ANKRD30A: variants seen among roughly 807,000 people sequenced by gnomAD.
The protein encoded by ANKRD30A is ankyrin repeat domain-containing protein 30A.
ANKRD30A carries 170 observed loss-of-function variants against 166.3 expected under a neutral mutation model. The observed-to-expected ratio is 1.02, with a 90% CI of 0.90 to 1.16. The LOEUF (loss-of-function observed/expected upper bound fraction) is 1.16, where lower values mean the gene tolerates loss of function less well. Ranked by LOEUF, ANKRD30A falls within the 50% of genes most tolerant of loss-of-function variation. ANKRD30A has a pLI of 0.00. For missense variants in ANKRD30A, 1,630 were observed against 1,518.0 expected, an observed-to-expected ratio of 1.07 and a Z score of -1.23; for synonymous variants, 564 against 508.9, an observed-to-expected ratio of 1.11 and a Z score of -1.46.
At position 37,125,972 on chromosome 10, in the gene ANKRD30A, A is replaced by C. The variant is rs1835977999; in HGVS notation, c.185A>C (p.Lys62Thr). The C allele has an allele frequency of 1.9e-6, 3 of 1,611,960 alleles. No homozygotes were observed. Among genetic ancestry groups the C allele is most frequent in the Non-Finnish European group, 1.7e-6 (2 of 1,179,894 alleles). ...CTGGAGAAGATGACAAAGAGGAAGA[A>C]GACCATCAACCTTAATATACAAGAC... ...RKLEKMTKRK[K>T]TINLNIQDAQ... The change falls in exon 1 of 36, where the codon AAG (lysine) becomes ACG (threonine). Residue 62 changes from lysine to threonine, a missense_variant. By Grantham distance (78) the Lys-to-Thr change is moderately conservative. This residue lies in a region of ANKRD30A where 904 missense variants were observed against 818.5 expected (regional missense o/e 1.10). Transcript: ENST00000361713.
chr10:37,241,703 A>AC, the ANKRD30A span, among the ~76,000 whole-genome samples: 1 of 152,178 alleles, frequency 6.6e-6, no homozygotes. Context: ...AATGCAATTG[A>AC]CACCATACCA....
intron 15 of ANKRD30A, among the ~76,000 whole-genome samples, chr10:37,159,338 G>C (rs530322765): frequency 6.6e-6 from 1 of 152,204 alleles, no homozygotes; most frequent in African/African-American, 2.4e-5. Context: ...TCAAATTAGT[G>C]AAACCCCATC....
At chr10:37,142,436 T>A in intron 7 of ANKRD30A, 146 bp downstream of exon 7, 1 of 710,120 alleles carries the variant, frequency 1.4e-6, no homozygotes, top group South Asian at 2.2e-5. Context: ...TAGGAATAAG[T>A]AGCTCTTATT....
At chr10:37,157,338 T>G (rs986262924) in intron 13 of ANKRD30A, among the ~76,000 whole-genome samples, 2 of 152,218 alleles carry the variant, frequency 1.3e-5, no homozygotes, top group African/African-American at 4.8e-5. Flanking sequence ...GAATGATATG[T>G]AAAAAGTCTC....
chr10:37,221,064 A>G (rs1424247502), intron 34 of ANKRD30A, among the ~76,000 whole-genome samples: 3 of 107,572 alleles, frequency 2.8e-5, no homozygotes, highest in African/African-American at 9.8e-5. Context: ...TTTTTTTTTG[A>G]GACTTCAGTA....
At chr10:37,163,205 G>T (rs1424401006) in intron 17 of ANKRD30A, among the ~76,000 whole-genome samples, 1 of 126,562 alleles carries the variant, frequency 7.9e-6, no homozygotes, top group African/African-American at 3.1e-5. Context: ...TTTACTTCGG[G>T]GATCCCATCT....
At chr10:37,223,888 G>C in intron 34 of ANKRD30A, among the ~76,000 whole-genome samples, 1 of 150,806 alleles carries the variant, frequency 6.6e-6, no homozygotes, top group East Asian at 2.0e-4. Context: ...GGATAATTTG[G>C]ATCAAGAAAT....
chr10:37,202,246 T>C (rs1841671367), intron 31 of ANKRD30A, among the ~76,000 whole-genome samples: 1 of 152,050 alleles, frequency 6.6e-6, no homozygotes, highest in Admixed American at 6.6e-5. Flanking sequence ...AGTAAAGCAG[T>C]CCTCAGCAAA....
intron 6 of ANKRD30A, among the ~76,000 whole-genome samples, chr10:37,140,741 A>C (rs1837040213): frequency 6.6e-6 from 1 of 152,228 alleles, no homozygotes; most frequent in South Asian, 2.1e-4. Context: ...AAAATTTTTC[A>C]TAATAACAAA....
At chr10:37,265,550 C>G in the ANKRD30A span, among the ~76,000 whole-genome samples, 2 of 152,222 alleles carry the variant, frequency 1.3e-5, no homozygotes, top group African/African-American at 2.4e-5. Flanking sequence ...GGAACCCAAG[C>G]CTCTTTCTCA....
At chr10:37,245,604 A>G in the ANKRD30A span, among the ~76,000 whole-genome samples, 1 of 152,052 alleles carries the variant, frequency 6.6e-6, no homozygotes, top group Non-Finnish European at 1.5e-5. Context: ...ATAATAGATC[A>G]CCACAATCAT....
intron 34 of ANKRD30A, among the ~76,000 whole-genome samples, chr10:37,220,160 A>C (rs1354454484): frequency 6.7e-6 from 1 of 150,004 alleles, no homozygotes; most frequent in African/African-American, 2.4e-5. Flanking sequence ...TCACTGATGA[A>C]ATTTTAAGAG....
intron 9 of ANKRD30A, among the ~76,000 whole-genome samples, chr10:37,149,418 C>T (rs1185512045): frequency 2.0e-5 from 3 of 152,078 alleles, no homozygotes; most frequent in South Asian, 2.1e-4. Context: ...ACGTGAAACA[C>T]AATCTCGCTT....
chr10:37,126,547 G>C (rs1274489398), intron 1 of ANKRD30A, among the ~76,000 whole-genome samples: 1 of 152,184 alleles, frequency 6.6e-6, no homozygotes, highest in African/African-American at 2.4e-5. Context: ...GAGGTGGGAA[G>C]ATGGTTTATG....
chr10:37,159,843 T>C (rs1449735036), intron 15 of ANKRD30A, among the ~76,000 whole-genome samples: 1 of 152,032 alleles, frequency 6.6e-6, no homozygotes, highest in Non-Finnish European at 1.5e-5. Context: ...TCCAGGCGCC[T>C]GCCACCATGC....
Position 37,200,773 on chromosome 10 carries a change from T to C in ANKRD30A, c.2779-462T>C, listed in dbSNP as rs181623673. On this transcript the variant is annotated intron_variant, in intron 30 of 35. Coordinates refer to ENST00000361713, the MANE Select transcript of ANKRD30A (RefSeq NM_052997.3). ...TGTACATACATTCTATGACAGACTCTAAAAGTTCTCTTCATGACAGGCATC... is the reference window on the plus strand; with the variant it reads ...TGTACATACATTCTATGACAGACTCCAAAAGTTCTCTTCATGACAGGCATC... Among the ~76,000 whole-genome samples, 163 of 152,214 alleles carry C rather than the reference T, an allele frequency of 1.1e-3. 1 individual carries two copies. Among genetic ancestry groups the C allele is most frequent in the African/African-American group, 3.6e-3 (150 of 41,564 alleles).
Position 37,201,219 on chromosome 10 carries a change from A to G in ANKRD30A, c.2779-16A>G. The G allele has an allele frequency of 5.4e-6, 8 of 1,484,204 alleles. No individual in the cohort carries two copies. The highest frequency in any genetic ancestry group is 7.3e-6 in the Non-Finnish European group (8 of 1,103,444). 91.9% of individuals were successfully genotyped at this position (1,484,204 alleles called of 1,614,324 possible). A position where few individuals can be genotyped will look rare whatever the true frequency, so the allele number is the denominator to read the frequency against. ...ATTTTTCCATTGAAATTATTTATTG[A>G]TATTACTTTTAACAGAGTCTCCGTG... On this transcript the variant is annotated splice_polypyrimidine_tract_variant and intron_variant, in intron 30 of 35. Transcript: ENST00000361713.
At chr10:37,255,747 A>C in the ANKRD30A span, among the ~76,000 whole-genome samples, 2 of 152,214 alleles carry the variant, frequency 1.3e-5, no homozygotes, top group Non-Finnish European at 2.9e-5. Context: ...TGGACCTCAC[A>C]GTTTTAACAC....
At chr10:37,246,877 C>T in the ANKRD30A span, among the ~76,000 whole-genome samples, 2 of 152,262 alleles carry the variant, frequency 1.3e-5, no homozygotes, top group African/African-American at 4.8e-5. Context: ...CATAGCACCC[C>T]TTCCCTCAGT....
Sources: gnomAD v4.1 joint callset for allele counts (sites outside exome capture counted in the v4.1 genomes callset) on GRCh38, gnomAD v4.1.1 for gene constraint, gnomAD v4.1.1 regional missense constraint, MANE v1.5 for transcripts, NCBI Gene and HGNC (gene_info 2026-07-23, HGNC 2026-07-21) for gene names.